FSTL5: variants seen among roughly 807,000 people sequenced by gnomAD.
FSTL5 encodes follistatin-related protein 5.
In FSTL5, 62 loss-of-function variants were observed where a neutral mutation model predicts 89.1. That is an observed-to-expected ratio of 0.70 (90% CI 0.57 to 0.86). The LOEUF is 0.86. Ranked by LOEUF, FSTL5 falls within the 40% of genes least tolerant of loss-of-function variation. The pLI is 0.00. For missense variants in FSTL5, 1,057 were observed against 1,001.6 expected (o/e 1.06, Z -0.75); for synonymous variants, 383 against 346.2 (o/e 1.11, Z -1.18).
chr4:161,428,894 C>T (rs1015611251), intron 15 of FSTL5, among the ~76,000 whole-genome samples: 2 of 151,998 alleles, frequency 1.3e-5, no homozygotes, highest in African/African-American at 4.8e-5. Flanking sequence ...ACCAGCTCCG[C>T]CACAGTGGAG....
chr4:161,636,460 C>CTTTTT (rs67780564), intron 7 of FSTL5, among the ~76,000 whole-genome samples: 3 of 121,078 alleles, frequency 2.5e-5, no homozygotes, highest in East Asian at 2.5e-4. Flanking sequence ...TTTTTTTTTT[C>CTTTTT]TTTTTTTTTT....
At chr4:161,517,792 T>A (rs1730892128) in intron 10 of FSTL5, among the ~76,000 whole-genome samples, 1 of 151,894 alleles carries the variant, frequency 6.6e-6, no homozygotes, top group African/African-American at 2.4e-5. Flanking sequence ...TTGCAAATCA[T>A]TTTTTGATAA....
intron 8 of FSTL5, among the ~76,000 whole-genome samples, chr4:161,556,204 G>A (rs1422914606): frequency 2.0e-5 from 3 of 151,442 alleles, no homozygotes; most frequent in South Asian, 2.1e-4. Flanking sequence ...TATATACCCT[G>A]TAAATAGCCA....
chr4:161,567,415 C>T (rs1259333974), intron 8 of FSTL5, among the ~76,000 whole-genome samples: 1 of 152,124 alleles, frequency 6.6e-6, no homozygotes, highest in African/African-American at 2.4e-5. Flanking sequence ...CTCATTATCA[C>T]ATTAACCTTC....
At chr4:161,854,482 C>T (rs1156363586) in intron 4 of FSTL5, among the ~76,000 whole-genome samples, 1 of 152,142 alleles carries the variant, frequency 6.6e-6, no homozygotes, top group East Asian at 1.9e-4. Flanking sequence ...GGAACAATTA[C>T]ATATATCTTC....
At chr4:161,900,719 G>A (rs904986372) in intron 4 of FSTL5, among the ~76,000 whole-genome samples, 10 of 150,502 alleles carry the variant, frequency 6.6e-5, no homozygotes, top group African/African-American at 2.4e-4. Context: ...CATTGCCAAG[G>A]TTGCCAAGGT....
rs553937774 is a variant in FSTL5 at position 161,917,129 on chromosome 4, A to G, written c.409+3275T>C. ...CACCACACCTGACTAATTTTTTTGT[A>G]TTTTTTTTAGTAGAGACGGGGTTTC... On this transcript the variant is annotated intron_variant, in intron 4 of 15. Transcript: ENST00000306100. 2.6e-5 allele frequency among the ~76,000 whole-genome samples: 4 copies of G among 151,514 alleles called. No individual in the cohort carries two copies. The East Asian group carries it at 5.8e-4, about 22-fold the overall frequency.
chr4:162,045,733 A>T (rs1738146322), intron 2 of FSTL5, among the ~76,000 whole-genome samples: 1 of 152,172 alleles, frequency 6.6e-6, no homozygotes, highest in Non-Finnish European at 1.5e-5. Flanking sequence ...GTGCAATCAG[A>T]TAAGGTACAG....
At chr4:161,955,886 G>T (rs977361818) in intron 3 of FSTL5, among the ~76,000 whole-genome samples, 5 of 150,500 alleles carry the variant, frequency 3.3e-5, no homozygotes, top group South Asian at 2.1e-4. Context: ...GAGAGAGGTG[G>T]TTTTTTTTTG....
intron 1 of FSTL5, 123 bp from the exon 2 acceptor site, chr4:162,111,535 G>A (rs1450944365): frequency 1.7e-5 from 11 of 656,652 alleles, no homozygotes; most frequent in Non-Finnish European, 2.7e-5. Context: ...GCTGGTAGTT[G>A]CCAAGGGAAA....
rs1731865490 is a variant in FSTL5, at chr4:161,542,606, G to T, written c.1103C>A (p.Pro368Gln). The change falls in exon 9 of 16, where the codon CCA becomes CAA. Residue 368 changes from proline (P) to glutamine (Q), a missense_variant. Transcript: ENST00000306100. Reference sequence around the variant, plus strand: ...CTTCAACCAGCCAAGCTGAGGCTTTGGTATGCCCTCTGCATGGCACCTAAG... The same window carrying T: ...CTTCAACCAGCCAAGCTGAGGCTTTTGTATGCCCTCTGCATGGCACCTAAG... ...ASLRCHAEGI[P>Q]KPQLGWLKNG... is the part of the protein sequence containing the mutation. 1.3e-6 allele frequency: 2 copies of T among 1,572,632 alleles called. No homozygotes were observed. Among genetic ancestry groups the T allele is most frequent in the Non-Finnish European group, 8.6e-7 (1 of 1,156,402 alleles).
chr4:162,113,811 C>A (rs182055125), intron 1 of FSTL5, among the ~76,000 whole-genome samples: 1 of 152,256 alleles, frequency 6.6e-6, no homozygotes, highest in Admixed American at 6.5e-5. Flanking sequence ...CCCTGAGTTA[C>A]TTGTTTTAGT....
intron 1 of FSTL5, among the ~76,000 whole-genome samples, chr4:162,118,385 T>C (rs1020024140): frequency 6.6e-6 from 1 of 152,108 alleles, no homozygotes; most frequent in Non-Finnish European, 1.5e-5. Context: ...CTCTGCCTCC[T>C]GAGTAGCTGG....
intron 4 of FSTL5, among the ~76,000 whole-genome samples, chr4:161,832,327 G>A (rs769460988): frequency 2.1e-4 from 32 of 152,014 alleles, no homozygotes; most frequent in African/African-American, 3.4e-4. Flanking sequence ...GCAAGAAATC[G>A]TGGAGTTCAT....
rs190961135 is a variant in FSTL5, at chr4:161,862,512, A to G, written c.409+57892T>C. ...CACTTTGGGAGGCTGAGGTGGGCGG[A>G]TAACCAGGTCAAGAGATAGAGACCA... On this transcript the variant is annotated intron_variant, in intron 4 of 15. Coordinates refer to ENST00000306100, the MANE Select transcript of FSTL5 (RefSeq NM_020116.5). 6.3e-3 allele frequency among the ~76,000 whole-genome samples: 964 copies of G among 152,234 alleles called. 8 individuals are homozygous for G. The highest frequency in any genetic ancestry group is 0.01 in the Non-Finnish European group (694 of 68,016).
chr4:161,402,935 C>A (rs190532422), intron 15 of FSTL5, among the ~76,000 whole-genome samples: 4 of 151,924 alleles, frequency 2.6e-5, no homozygotes, highest in African/African-American at 4.8e-5. Context: ...TATTCTCCTG[C>A]CTCAGCCGCC....
intron 8 of FSTL5, among the ~76,000 whole-genome samples, chr4:161,581,576 G>C (rs954187098): frequency 1.9e-4 from 29 of 152,152 alleles, no homozygotes; most frequent in African/African-American, 6.8e-4. Flanking sequence ...ACTTAAGCTG[G>C]GTTTTCTAAA....
intron 6 of FSTL5, among the ~76,000 whole-genome samples, chr4:161,703,064 A>C (rs539871158): frequency 6.6e-6 from 1 of 152,202 alleles, no homozygotes; most frequent in East Asian, 1.9e-4. Context: ...CACGTAAAGA[A>C]AAGACTGTTT....
intron 2 of FSTL5, among the ~76,000 whole-genome samples, chr4:162,059,400 CT>C: frequency 6.6e-6 from 1 of 152,250 alleles, no homozygotes; most frequent in East Asian, 1.9e-4. Flanking sequence ...AAATTTTAAA[CT>C]TATTTTAGAG....
Sources: allele counts gnomAD v4.1 joint callset (sites outside exome capture counted in the v4.1 genomes callset), GRCh38; gene constraint gnomAD v4.1.1; transcripts MANE v1.5; gene names NCBI Gene and HGNC (gene_info 2026-07-23, HGNC 2026-07-21).